The following PCLO variants were observed in gnomAD, a reference collection of about 807,000 sequenced individuals.
PCLO encodes protein piccolo.
Under a neutral mutation model 427.5 loss-of-function variants are expected in PCLO, and 82 were observed. The ratio of observed to expected loss-of-function variants is 0.19; its 90% CI spans 0.16 to 0.23. PCLO has a LOEUF of 0.23. Ranked by LOEUF, PCLO falls within the 10% of genes least tolerant of loss-of-function variation. The pLI, the probability that PCLO is intolerant of heterozygous loss-of-function variation, is 1.00. For missense variants in PCLO, 6,239 were observed against 6,115.9 expected (o/e 1.02, Z -0.67); for synonymous variants, 2,357 against 2,155.4 (o/e 1.09, Z -2.59).
chr7:83,125,857 C>G (rs889890441), intron 3 of PCLO, among the ~76,000 whole-genome samples: 44 of 151,626 alleles, frequency 2.9e-4, no homozygotes, highest in African/African-American at 1.0e-3. Flanking sequence ...TCCCCCTCTC[C>G]GAGAAACACC....
intron 6 of PCLO, among the ~76,000 whole-genome samples, chr7:82,926,537 A>T (rs1794716368): frequency 6.6e-6 from 1 of 152,260 alleles, no homozygotes; most frequent in African/African-American, 2.4e-5. Flanking sequence ...AGTAATACAT[A>T]AAAAAATTCT....
intron 6 of PCLO, among the ~76,000 whole-genome samples, chr7:82,921,970 T>C (rs549460009): frequency 6.6e-6 from 1 of 151,822 alleles, no homozygotes; most frequent in South Asian, 2.1e-4. Context: ...AACAAGCATA[T>C]GAAAAAATGC....
intron 22 of PCLO, among the ~76,000 whole-genome samples, chr7:82,794,450 A>ATTTTTTTCTGT (rs1791172788): frequency 1.6e-5 from 1 of 62,030 alleles, no homozygotes; most frequent in African/African-American, 4.1e-5. Context: ...TAGTTCATAA[A>ATTTTTTTCTGT]TTTTTTTTCT....
At position 83,156,471 on chromosome 7, in the gene PCLO, T is replaced by A. The variant is rs140239363; in HGVS notation, c.249-79A>T. 32 of 866,832 alleles carry A rather than the reference T, an allele frequency of 3.7e-5. No homozygotes were observed. The East Asian group carries it at 8.5e-4, about 23-fold the overall frequency. The allele number at this position is 866,832 out of a possible 1,614,324, so 53.7% of individuals were successfully genotyped here. On this transcript the variant is annotated intron_variant, in intron 1 of 24. Coordinates refer to ENST00000333891, the MANE Select transcript of PCLO (RefSeq NM_033026.6). ...TCAAATCAAAGTAATACAAAAAACC[T>A]ATTGCTTATATCTTCAAAATTATGA...
chr7:82,912,482 A>T (rs1794347278), intron 7 of PCLO, among the ~76,000 whole-genome samples: 2 of 151,906 alleles, frequency 1.3e-5, no homozygotes, highest in African/African-American at 4.8e-5. Flanking sequence ...ATTCATATAT[A>T]ATTGCTATAG....
chr7:83,121,225 G>A (rs1022866035), intron 3 of PCLO, among the ~76,000 whole-genome samples: 4 of 152,108 alleles, frequency 2.6e-5, no homozygotes, highest in African/African-American at 7.2e-5. Flanking sequence ...TGGGGAGGGA[G>A]TGGAAGAAGT....
Position 83,003,979 on chromosome 7 carries a change from T to G in PCLO, c.3301-37492A>C, listed in dbSNP as rs1787886438. Among the ~76,000 whole-genome samples, 3 of 151,830 alleles carry G rather than the reference T, an allele frequency of 2.0e-5. No homozygotes were observed. The South Asian group carries it at 6.2e-4, about 31-fold the overall frequency. ...CCCATGAAGTTATCTGGTATTGGGC[T>G]TTTCTTTGTTGGGAAATTGTTTATT... On this transcript the variant is annotated intron_variant, in intron 3 of 24. Transcript: ENST00000333891.
Position 82,950,123 on chromosome 7 carries a change from T to C in PCLO, c.10465A>G (p.Arg3489Gly). The change falls in exon 6 of 25, where the codon AGG (arginine) becomes GGG (glycine). Residue 3489 changes from arginine to glycine, a missense_variant. By Grantham distance (125) the Arg-to-Gly change is moderately radical (BLOSUM62 -2). Coordinates refer to ENST00000333891, the MANE Select transcript of PCLO (RefSeq NM_033026.6). ...TATTTCCCTACACGAGCTTTCCTCC[T>C]TGATCTAGTAGGCATATCCCACTCA... ...QDEWDMPTRS[R>G]RKARVGKYGD... 1 of 1,610,252 alleles carries C rather than the reference T, an allele frequency of 6.2e-7. No homozygotes were observed. Among genetic ancestry groups the C allele is most frequent in the Non-Finnish European group, 8.5e-7 (1 of 1,179,286 alleles).
At chr7:83,115,255 A>T (rs893967773) in intron 3 of PCLO, among the ~76,000 whole-genome samples, 4 of 152,116 alleles carry the variant, frequency 2.6e-5, no homozygotes, top group Admixed American at 6.6e-5. Flanking sequence ...TATTTTTAGC[A>T]GATACAAAAG....
chr7:83,156,403 TAAAAA>T lies in PCLO; in HGVS notation c.249-16_249-12del. ...TCCAACTCTTGTTTCCTAGAAGAGT[TAAAAA>T]AAAAAAAAAAAATCAAGTGAAAATA... is the stretch of plus-strand genomic sequence containing the variant. On this transcript the variant is annotated splice_polypyrimidine_tract_variant and intron_variant, in intron 1 of 24. Transcript: ENST00000333891. The T allele has an allele frequency of 1.2e-5, 13 of 1,062,242 alleles. No homozygotes were observed. Among genetic ancestry groups the T allele is most frequent in the African/African-American group, 1.7e-5 (1 of 57,752 alleles). 65.8% of individuals were successfully genotyped at this position (1,062,242 alleles called of 1,614,324 possible).
At chr7:83,105,230 T>C (rs1790825186) in intron 3 of PCLO, among the ~76,000 whole-genome samples, 1 of 152,224 alleles carries the variant, frequency 6.6e-6, no homozygotes, top group Non-Finnish European at 1.5e-5. Flanking sequence ...TTGTTTCTCA[T>C]GGAATGTGCA....
chr7:82,881,051 A>G (rs1455537391), intron 9 of PCLO, among the ~76,000 whole-genome samples: 1 of 152,174 alleles, frequency 6.6e-6, no homozygotes, highest in East Asian at 1.9e-4. Context: ...AATAGACTTA[A>G]GATTGCTATA....
rs748203870 is a variant in PCLO, at chr7:82,916,003, T to G, written c.11983A>C (p.Asn3995His). The G allele has an allele frequency of 1.2e-6, 2 of 1,612,770 alleles. No individual in the cohort carries two copies. The highest frequency in any genetic ancestry group is 2.7e-5 in the African/African-American group (2 of 75,022). ...PLMIAPVSTD[N>H]TFAVSHLGSK... ...CCAAGATGGGAAACAGCAAATGTGT[T>G]ATCCGTAGAAACAGGTGCTATCATA... The change falls in exon 7 of 25, where the codon AAC becomes CAC. Residue 3995 changes from asparagine to histidine, a missense_variant. Transcript: ENST00000333891.
chr7:82,917,785 A>G (rs1475819814), intron 6 of PCLO, among the ~76,000 whole-genome samples: 1 of 151,910 alleles, frequency 6.6e-6, no homozygotes, highest in African/African-American at 2.4e-5. Flanking sequence ...TATAATCCAA[A>G]TACATTAATT....
chr7:82,788,512 G>A (rs1407261320), intron 22 of PCLO, among the ~76,000 whole-genome samples: 1 of 151,936 alleles, frequency 6.6e-6, no homozygotes, highest in Non-Finnish European at 1.5e-5. Context: ...AAATAGAATT[G>A]TAATTTCTTT....
At position 83,084,789 on chromosome 7, in the gene PCLO, G is replaced by A. The variant is rs969032893; in HGVS notation, c.3300+49461C>T. 2.0e-5 allele frequency among the ~76,000 whole-genome samples: 3 copies of A among 152,028 alleles called. No individual in the cohort carries two copies. In the East Asian group the frequency reaches 5.8e-4, roughly 29 times the overall value. ...TGATCAATTTTGCACGTATTCGAAC[G>A]CTTTCAATTAGCACCAGGAACAAAG... On this transcript the variant is annotated intron_variant, in intron 3 of 24. Coordinates refer to ENST00000333891, the MANE Select transcript of PCLO (RefSeq NM_033026.6).
intron 22 of PCLO, among the ~76,000 whole-genome samples, chr7:82,793,621 G>A (rs6979066): frequency 0.29 from 44,196 of 151,966 alleles, 7,984 homozygotes; most frequent in East Asian, 0.53. Flanking sequence ...AAATACATGG[G>A]AATCAAATTC....
chr7:82,962,791 C>T (rs997132623), intron 4 of PCLO, among the ~76,000 whole-genome samples: 3 of 151,872 alleles, frequency 2.0e-5, no homozygotes, highest in Non-Finnish European at 4.4e-5. Flanking sequence ...AACATTTATT[C>T]ATTACAAGTA....
chr7:82,867,621 C>A (rs1428668249), intron 10 of PCLO, among the ~76,000 whole-genome samples: 2 of 152,126 alleles, frequency 1.3e-5, no homozygotes, highest in Non-Finnish European at 2.9e-5. Context: ...TTAGACAAAT[C>A]CGGAAATCTA....
Sources: allele counts gnomAD v4.1 joint callset (sites outside exome capture counted in the v4.1 genomes callset), GRCh38; gene constraint gnomAD v4.1.1; transcripts MANE v1.5; gene names NCBI Gene and HGNC (gene_info 2026-07-23, HGNC 2026-07-21).